LVRN: variants seen among roughly 807,000 people sequenced by gnomAD.
LVRN encodes aminopeptidase Q.
In LVRN, 99 loss-of-function variants were observed where a neutral mutation model predicts 111.4. The observed-to-expected ratio is 0.89, with a 90% confidence interval of 0.76 to 1.05. The LOEUF (loss-of-function observed/expected upper bound fraction) is 1.05. Ranked by LOEUF, LVRN falls within the 50% of genes least tolerant of loss-of-function variation. The pLI is 0.00. For synonymous variants in LVRN, 488 were observed against 449.5 expected, an observed-to-expected ratio of 1.09 and a Z score of -1.08; for missense variants, 1,414 against 1,206.8, an observed-to-expected ratio of 1.17 and a Z score of -2.54.
intron 4 of LVRN, among the ~76,000 whole-genome samples, chr5:115,990,595 G>T (rs975547679): frequency 2.6e-5 from 4 of 151,802 alleles, no homozygotes; most frequent in African/African-American, 9.7e-5. Context: ...TTTTTGAGAC[G>T]GCATCTCACT....
chr5:115,979,070 C>G (rs1007767896), intron 1 of LVRN, among the ~76,000 whole-genome samples: 1 of 152,132 alleles, frequency 6.6e-6, no homozygotes, highest in Non-Finnish European at 1.5e-5. Context: ...CCTCCAGCCT[C>G]CTCCAGGTGG....
At chr5:116,013,559 AG>A (rs369162864) in intron 15 of LVRN, among the ~76,000 whole-genome samples, 3 of 151,914 alleles carry the variant, frequency 2.0e-5, no homozygotes, top group African/African-American at 7.3e-5. Flanking sequence ...GGGTGAGGAG[AG>A]GGGGTGAGTA....
chr5:116,004,670 G>C (rs1748321343), intron 12 of LVRN, among the ~76,000 whole-genome samples: 1 of 152,170 alleles, frequency 6.6e-6, no homozygotes, highest in African/African-American at 2.4e-5. Context: ...TGAGTGGTGG[G>C]AATGGAGGTG....
chr5:115,990,999 A>G lies in LVRN; in HGVS notation c.1106-1124A>G, dbSNP rs1459849960. ...TTCTCCCTCCTTTCTCCTGTTGTCA[A>G]CATCTTGCATTGGTGTGGTACACTT... On this transcript the variant is annotated intron_variant, in intron 4 of 19. Transcript: ENST00000357872. Among the ~76,000 whole-genome samples, 4 of 152,200 alleles carry G rather than the reference A, an allele frequency of 2.6e-5. No homozygotes were observed. In the East Asian group the frequency reaches 5.8e-4, roughly 22 times the overall value.
At position 116,010,895 on chromosome 5, in the gene LVRN, G is replaced by A; in HGVS notation, c.2247+1G>A. On this transcript the variant is annotated splice_donor_variant, in intron 14 of 19. Coordinates refer to ENST00000357872, the MANE Select transcript of LVRN (RefSeq NM_173800.5). LOFTEE classifies it high-confidence loss of function. Reference sequence around the variant, plus strand: ...CTATGATATATACTCATTATTAAAGGTAATTTCATTCTTTCTTATGTAGTT... The same window carrying A: ...CTATGATATATACTCATTATTAAAGATAATTTCATTCTTTCTTATGTAGTT... 6.5e-7 allele frequency: 1 copy of A among 1,548,636 alleles called. No homozygotes were observed. Among genetic ancestry groups the A allele is most frequent in the South Asian group, 1.3e-5 (1 of 78,674 alleles).
intron 1 of LVRN, among the ~76,000 whole-genome samples, chr5:115,970,742 T>G (rs979984023): frequency 6.6e-6 from 1 of 152,242 alleles, no homozygotes; most frequent in Non-Finnish European, 1.5e-5. Context: ...CATTTCATTG[T>G]ATTGATATAA....
At chr5:116,023,306 AC>A (rs2112650610) in intron 19 of LVRN, 1 of 152,304 alleles carries the variant, frequency 6.6e-6, no homozygotes, top group South Asian at 2.1e-4. Flanking sequence ...CTAGGTTCCT[AC>A]CATTTCCTGG....
chr5:116,021,648 C>G (rs941511371), intron 18 of LVRN: 2 of 411,048 alleles, frequency 4.9e-6, no homozygotes, highest in African/African-American at 2.1e-5. Context: ...ATTCAACTGT[C>G]TCTTGGTCAG....
At position 115,981,964 on chromosome 5, in the gene LVRN, A is replaced by G. The variant is rs1753568459; in HGVS notation, c.696-1323A>G. On this transcript the variant is annotated intron_variant, in intron 1 of 19. Coordinates refer to ENST00000357872, the MANE Select transcript of LVRN (RefSeq NM_173800.5). ...AGTGTCATTATTTTCTAGGTGGGGA[A>G]ACTGGGGCTTAACAAGATTGTGTGA... 2.0e-5 allele frequency among the ~76,000 whole-genome samples: 3 copies of G among 152,170 alleles called. No individual in the cohort carries two copies. In the South Asian group the frequency reaches 6.2e-4, roughly 32 times the overall value.
chr5:115,987,778 GT>G, intron 3 of LVRN, 34 bp from the exon 4 acceptor site: 4 of 1,595,042 alleles, frequency 2.5e-6, no homozygotes, highest in Non-Finnish European at 3.4e-6. Flanking sequence ...ATCACTACTG[GT>G]TTTCCTAATC....
chr5:116,005,323 A>G lies in LVRN; in HGVS notation c.2038-589A>G, dbSNP rs144212050. Among the ~76,000 whole-genome samples, 334 of 152,344 alleles carry G rather than the reference A, an allele frequency of 2.2e-3. 2 individuals carry two copies. The highest frequency in any genetic ancestry group is 7.6e-3 in the African/African-American group (316 of 41,590). On this transcript the variant is annotated intron_variant, in intron 12 of 19. Transcript: ENST00000357872. ...TTGGGCCCCCTTAGGGACTGAGCTG[A>G]CAGCAGAATCCTGTGGCCTGGCAAT...
chr5:115,964,063 G>A (rs1401137115), intron 1 of LVRN, among the ~76,000 whole-genome samples: 1 of 152,196 alleles, frequency 6.6e-6, no homozygotes, highest in Non-Finnish European at 1.5e-5. Context: ...CTCCTACACG[G>A]AATGTTTCCT....
chr5:116,015,775 A>C lies in LVRN; in HGVS notation c.2756+10A>C. 1 of 1,612,342 alleles carries C rather than the reference A, an allele frequency of 6.2e-7. No individual in the cohort carries two copies. Among genetic ancestry groups the C allele is most frequent in the South Asian group, 1.1e-5 (1 of 90,654 alleles). On this transcript the variant is annotated intron_variant, in intron 18 of 19. Transcript: ENST00000357872. ...AAGCTGTGAGTAAAAGGTAAGAAGG[A>C]AAGTGAGACCTTTCTTTCATTTAGG... is the stretch of plus-strand genomic sequence containing the variant.
intron 18 of LVRN, among the ~76,000 whole-genome samples, chr5:116,016,717 G>A (rs764167425): frequency 8.5e-5 from 13 of 152,136 alleles, no homozygotes; most frequent in South Asian, 4.1e-4. Context: ...ACTACATAGC[G>A]TCTTCTAGGT....
intron 1 of LVRN, among the ~76,000 whole-genome samples, chr5:115,980,204 G>T (rs1412268091): frequency 1.3e-5 from 2 of 152,010 alleles, no homozygotes; most frequent in African/African-American, 2.4e-5. Flanking sequence ...GGTGGTGGAT[G>T]GTTCTATTTT....
intron 6 of LVRN, among the ~76,000 whole-genome samples, chr5:115,995,901 C>T (rs1748096824): frequency 6.6e-6 from 1 of 152,136 alleles, no homozygotes; most frequent in Non-Finnish European, 1.5e-5. Context: ...CCACTGTGCT[C>T]TATAGCAAAA....
In LVRN at chr5:115,962,823, C is replaced by T; in HGVS notation, c.206C>T (p.Thr69Ile). The change falls in exon 1 of 20, where the codon ACC becomes ATC. Residue 69 changes from threonine to isoleucine, a missense_variant. Thr to Ile is a moderately conservative substitution (Grantham distance 89). Coordinates refer to ENST00000357872, the MANE Select transcript of LVRN (RefSeq NM_173800.5). ...SPPLRQKPTP[T>I]PKPSSARELA... Reference sequence around the variant, plus strand: ...CCCCTCAGGCAGAAGCCGACGCCAACCCCGAAACCCAGCAGTGCACGCGAG... The same window carrying T: ...CCCCTCAGGCAGAAGCCGACGCCAATCCCGAAACCCAGCAGTGCACGCGAG... 2 of 1,611,064 alleles carry T rather than the reference C, an allele frequency of 1.2e-6. No individual in the cohort carries two copies. The highest frequency in any genetic ancestry group is 1.7e-6 in the Non-Finnish European group (2 of 1,178,144).
intron 5 of LVRN, 98 bp from the exon 6 acceptor site, chr5:115,993,643 T>A: frequency 2.7e-6 from 2 of 733,454 alleles, no homozygotes; most frequent in Non-Finnish European, 4.4e-6. Context: ...ATTTTAATTA[T>A]GTCTTTTGAC....
At chr5:116,004,072 G>GT (rs1397526823) in intron 12 of LVRN, among the ~76,000 whole-genome samples, 3 of 152,176 alleles carry the variant, frequency 2.0e-5, no homozygotes, top group African/African-American at 7.2e-5. Flanking sequence ...TAGAGATCAT[G>GT]TAAGTGAAAG....
Sources: allele counts gnomAD v4.1 joint callset (sites outside exome capture counted in the v4.1 genomes callset), GRCh38; gene constraint gnomAD v4.1.1; transcripts MANE v1.5; gene names NCBI Gene and HGNC (gene_info 2026-07-23, HGNC 2026-07-21).